The following ORC5 variants were observed in gnomAD, a reference collection of about 807,000 sequenced individuals.
ORC5 encodes the protein origin recognition complex subunit 5, also known as protein phosphatase 1, regulatory subunit 117.
Under a neutral mutation model 58.8 loss-of-function variants are expected in ORC5, and 39 were observed. The ratio of observed to expected loss-of-function variants is 0.66; its 90% confidence interval spans 0.51 to 0.87. The LOEUF (loss-of-function observed/expected upper bound fraction) is 0.87, where lower values mean the gene tolerates loss of function less well. Ranked by LOEUF, ORC5 falls within the 40% of genes least tolerant of loss-of-function variation. ORC5 has a pLI of 0.00. For synonymous variants in ORC5, 218 were observed against 177.6 expected (o/e 1.23, Z -1.81); for missense variants, 493 against 506.3 (o/e 0.97, Z 0.25).
intron 12 of ORC5, among the ~76,000 whole-genome samples, chr7:104,144,206 G>C (rs1798718869): frequency 6.6e-6 from 1 of 152,088 alleles, no homozygotes; most frequent in Non-Finnish European, 1.5e-5. Flanking sequence ...TTTTGCTAGA[G>C]TAAAATTGAA....
intron 12 of ORC5, among the ~76,000 whole-genome samples, chr7:104,158,560 T>G (rs1408511621): frequency 6.6e-6 from 1 of 151,296 alleles, no homozygotes; most frequent in East Asian, 1.9e-4. Flanking sequence ...TGGGAGAAAA[T>G]TTTCACAACC....
rs568970803 is a variant in ORC5 at position 104,206,970 on chromosome 7, G to A, written c.72+863C>T. The stretch of plus-strand genomic sequence containing the variant: ...TAAATACACTTTCTGATATTCACAG[G>A]GATTAAATTGCCTAACGATGCATTT... On this transcript the variant is annotated intron_variant, in intron 1 of 13. Transcript: ENST00000297431. 5.9e-5 allele frequency among the ~76,000 whole-genome samples: 9 copies of A among 152,172 alleles called. 1 individual carries two copies. In the South Asian group the frequency reaches 1.9e-3, roughly 31 times the overall value.
In ORC5 at chr7:104,129,182, T is replaced by G. The variant is rs534408502; in HGVS notation, c.1263-2289A>C. ...GAAAATATTGTGATGTCTGTAGGAC[T>G]TCTCTATTTTTTGAGAAATCTGTTT... On this transcript the variant is annotated intron_variant, in intron 13 of 13. Transcript: ENST00000297431. This position sits in a 1 kb window ranked among gnomAD's most constrained non-coding sequence, Gnocchi z 4.9. 1.1e-3 allele frequency among the ~76,000 whole-genome samples: 167 copies of G among 152,282 alleles called. No individual in the cohort carries two copies. Among genetic ancestry groups the G allele is most frequent in the African/African-American group, 3.8e-3 (156 of 41,556 alleles).
chr7:104,207,993 C>T lies in ORC5; in HGVS notation c.-89G>A. The stretch of plus-strand genomic sequence containing the variant: ...CCTCTCCCGAGTCTGGCGGCCCACG[C>T]TCCCGCCGGAAACCGGACCCGCAGC... On this transcript the variant is annotated 5_prime_UTR_variant, in exon 1 of 14. Coordinates refer to ENST00000297431, the MANE Select transcript of ORC5 (RefSeq NM_002553.4). 1 of 1,296,252 alleles carries T rather than the reference C, an allele frequency of 7.7e-7. No individual in the cohort carries two copies. Among genetic ancestry groups the T allele is most frequent in the Non-Finnish European group, 1.1e-6 (1 of 905,584 alleles). 80.3% of individuals were successfully genotyped at this position (1,296,252 alleles called of 1,614,324 possible).
chr7:104,206,537 A>G (rs188708133), intron 1 of ORC5, among the ~76,000 whole-genome samples: 1 of 152,302 alleles, frequency 6.6e-6, no homozygotes, highest in Admixed American at 6.5e-5. Context: ...CAGTAATAAT[A>G]TAACTATAAT....
At chr7:104,172,697 A>G (rs1321217976) in intron 8 of ORC5, among the ~76,000 whole-genome samples, 2 of 152,200 alleles carry the variant, frequency 1.3e-5, no homozygotes, top group Non-Finnish European at 2.9e-5. Flanking sequence ...AAATCTTCTA[A>G]GGACTGTTAG....
At chr7:104,131,524 C>T (rs746154813) in intron 13 of ORC5, among the ~76,000 whole-genome samples, 2 of 152,102 alleles carry the variant, frequency 1.3e-5, no homozygotes, top group African/African-American at 2.4e-5. Flanking sequence ...AATAATAACC[C>T]TCTCTCAACC....
rs1464702148 is a variant in ORC5 at position 104,168,273 on chromosome 7, T to G, written c.877+200A>C. 4 of 1,156,316 alleles carry G rather than the reference T, an allele frequency of 3.5e-6. No homozygotes were observed. The African/African-American group carries it at 6.3e-5, about 18-fold the overall frequency. The allele number at this position is 1,156,316 out of a possible 1,614,324, so 71.6% of individuals were successfully genotyped here. On this transcript the variant is annotated intron_variant, in intron 9 of 13. Coordinates refer to ENST00000297431, the MANE Select transcript of ORC5 (RefSeq NM_002553.4). The stretch of plus-strand genomic sequence containing the variant: ...ATATTTAGAAAATAGAAAGCTGGTA[T>G]TCAAACTTTTATTTCCTCCCATTAA...
intron 10 of ORC5, among the ~76,000 whole-genome samples, chr7:104,166,511 T>C (rs1799110534): frequency 6.6e-6 from 1 of 152,214 alleles, no homozygotes; most frequent in Admixed American, 6.5e-5. Context: ...TCCTCCACAC[T>C]TTAAACAAAA....
rs117103916 is a variant in ORC5, at chr7:104,204,362, G to A, written c.73-128C>T. 1.8e-3 allele frequency: 1,170 copies of A among 635,264 alleles called. 3 individuals are homozygous for A. The highest frequency in any genetic ancestry group is 2.5e-3 in the Non-Finnish European group (877 of 352,074). The allele number at this position is 635,264 out of a possible 1,614,324, so 39.4% of individuals were successfully genotyped here. ...CCAAATTCCTAACAATGAGCATATTGTGGATGCATCAACACACTTTGAACC... is the reference window on the plus strand; with the variant it reads ...CCAAATTCCTAACAATGAGCATATTATGGATGCATCAACACACTTTGAACC... On this transcript the variant is annotated intron_variant, in intron 1 of 13. Transcript: ENST00000297431.
At chr7:104,172,880 C>T (rs967938516) in intron 8 of ORC5, among the ~76,000 whole-genome samples, 5 of 151,344 alleles carry the variant, frequency 3.3e-5, no homozygotes, top group African/African-American at 7.3e-5. Flanking sequence ...CGATTTATAA[C>T]GGTTCATATA....
intron 13 of ORC5, among the ~76,000 whole-genome samples, chr7:104,130,904 G>C (rs1157313943): frequency 3.3e-5 from 5 of 152,126 alleles, no homozygotes; most frequent in Non-Finnish European, 7.4e-5. Context: ...GCCCGTCCTA[G>C]CTTAAGACTC....
chr7:104,130,062 ATTT>A (rs935910166), intron 13 of ORC5, among the ~76,000 whole-genome samples: 1 of 140,178 alleles, frequency 7.1e-6, no homozygotes, highest in Non-Finnish European at 1.6e-5. Flanking sequence ...GATTTTTTTA[ATTT>A]TTTTTTTTTC....
Position 104,194,525 on chromosome 7 carries a change from T to A in ORC5, c.553+618A>T, listed in dbSNP as rs575520135. Among the ~76,000 whole-genome samples the A allele has an allele frequency of 2.6e-5, 4 of 152,116 alleles. No individual in the cohort carries two copies. The South Asian group carries it at 8.3e-4, about 32-fold the overall frequency. ...CTTCCAAAGACCAAAATCATCAGGATCTATGAAATTTAAGATTAAATAGAG... is the reference window on the plus strand; with the variant it reads ...CTTCCAAAGACCAAAATCATCAGGAACTATGAAATTTAAGATTAAATAGAG... On this transcript the variant is annotated intron_variant, in intron 5 of 13. Coordinates refer to ENST00000297431, the MANE Select transcript of ORC5 (RefSeq NM_002553.4).
At chr7:104,201,481 T>C (rs946345157) in intron 2 of ORC5, among the ~76,000 whole-genome samples, 4 of 152,158 alleles carry the variant, frequency 2.6e-5, no homozygotes, top group African/African-American at 7.2e-5. Context: ...TTCTTTCTTA[T>C]GGAAATTCAA....
chr7:104,174,755 G>A (rs923988659), intron 8 of ORC5, among the ~76,000 whole-genome samples: 1 of 152,200 alleles, frequency 6.6e-6, no homozygotes, highest in Non-Finnish European at 1.5e-5. Context: ...GGCATGTGCA[G>A]TAAGAGGCAA....
rs114324059 is a variant in ORC5, at chr7:104,148,568, G to C, written c.1150-11675C>G. ...TGCCACAGGGATATAGAATAACCTT[G>C]AGAAGTAACAATTAACAATACTGTG... On this transcript the variant is annotated intron_variant, in intron 12 of 13. Transcript: ENST00000297431. Among the ~76,000 whole-genome samples, 504 of 152,290 alleles carry C rather than the reference G, an allele frequency of 3.3e-3. 3 individuals carry two copies. The highest frequency in any genetic ancestry group is 0.012 in the African/African-American group (489 of 41,562).
At chr7:104,180,478 C>T (rs2115953842) in intron 8 of ORC5, among the ~76,000 whole-genome samples, 1 of 152,220 alleles carries the variant, frequency 6.6e-6, no homozygotes, top group East Asian at 1.9e-4. Flanking sequence ...AAATGAATGA[C>T]TATCATTTCA....
Position 104,136,489 on chromosome 7 carries a change from T to G in ORC5, c.1262+292A>C, listed in dbSNP as rs1798589743. Among the ~76,000 whole-genome samples the G allele has an allele frequency of 6.6e-6, 1 of 152,008 alleles. No homozygotes were observed. Among genetic ancestry groups the G allele is most frequent in the Non-Finnish European group, 1.5e-5 (1 of 67,992 alleles). On this transcript the variant is annotated intron_variant, in intron 13 of 13. Coordinates refer to ENST00000297431, the MANE Select transcript of ORC5 (RefSeq NM_002553.4). This position sits in a 1 kb window ranked among gnomAD's most constrained non-coding sequence, Gnocchi z 4.2. ...CCCATCTTATTTCAATACAAGAGAG[T>G]TTTCTGTAGCCAACTGTCCATTAAA...
Sources: gnomAD v4.1 joint callset for allele counts (sites outside exome capture counted in the v4.1 genomes callset) on GRCh38, gnomAD v4.1.1 for gene constraint, Gnocchi (gnomAD v3.1) non-coding constraint, MANE v1.5 for transcripts, NCBI Gene and HGNC (gene_info 2026-07-23, HGNC 2026-07-21) for gene names.